TMEM178B: variants seen among roughly 807,000 people sequenced by gnomAD.
TMEM178B encodes transmembrane protein 178B.
In TMEM178B, 5 loss-of-function variants were observed where a neutral mutation model predicts 31.0. That is an observed-to-expected ratio of 0.16 (90% CI 0.08 to 0.34). TMEM178B has a LOEUF of 0.34. TMEM178B is among the 10% of genes least tolerant of loss of function. The probability of loss-of-function intolerance (pLI) is 1.00; values close to 1 mark genes in which losing one functional copy is unlikely to be tolerated. For synonymous variants in TMEM178B, 164 were observed against 164.0 expected, an observed-to-expected ratio of 1.00 and a Z score of 0.00; for missense variants, 275 against 400.3, an observed-to-expected ratio of 0.69 and a Z score of 2.67.
chr7:141,290,383 A>G (rs1242152057), intron 2 of TMEM178B, among the ~76,000 whole-genome samples: 1 of 152,128 alleles, frequency 6.6e-6, no homozygotes, highest in Non-Finnish European at 1.5e-5. Context: ...GACATTTACT[A>G]CCTTCTGTCT....
intron 2 of TMEM178B, among the ~76,000 whole-genome samples, chr7:141,221,614 T>C (rs1361820543): frequency 6.6e-6 from 1 of 152,206 alleles, no homozygotes; most frequent in Admixed American, 6.5e-5. Context: ...AGCCCACTTA[T>C]AAGAACCAGG....
chr7:141,290,383 A>T (rs1242152057), intron 2 of TMEM178B, among the ~76,000 whole-genome samples: 1 of 152,128 alleles, frequency 6.6e-6, no homozygotes, highest in Non-Finnish European at 1.5e-5. Flanking sequence ...GACATTTACT[A>T]CCTTCTGTCT....
chr7:141,248,922 G>T (rs1312281936), intron 2 of TMEM178B, among the ~76,000 whole-genome samples: 1 of 152,228 alleles, frequency 6.6e-6, no homozygotes, highest in African/African-American at 2.4e-5. Flanking sequence ...CTTTGTTGAT[G>T]GATACACTTT....
intron 2 of TMEM178B, among the ~76,000 whole-genome samples, chr7:141,427,185 C>T (rs1039079125): frequency 7.9e-5 from 12 of 152,174 alleles, no homozygotes; most frequent in African/African-American, 2.9e-4. Context: ...ATACCAAAGA[C>T]ATTCTTCACA....
intron 3 of TMEM178B, among the ~76,000 whole-genome samples, chr7:141,462,492 G>A (rs1358621690): frequency 6.6e-6 from 1 of 151,980 alleles, no homozygotes; most frequent in Non-Finnish European, 1.5e-5. Context: ...GGAGAGCTGG[G>A]AACTGCAGGG....
chr7:141,407,595 T>C (rs1800907200), intron 2 of TMEM178B, among the ~76,000 whole-genome samples: 1 of 152,218 alleles, frequency 6.6e-6, no homozygotes, highest in Admixed American at 6.5e-5. Context: ...ATAGCTTACA[T>C]ATATTCAAAC....
chr7:141,328,817 G>C (rs1799243792), intron 2 of TMEM178B, among the ~76,000 whole-genome samples: 1 of 152,152 alleles, frequency 6.6e-6, no homozygotes, highest in South Asian at 2.1e-4. Flanking sequence ...GACTTGCAAA[G>C]GGCTTTGAAA....
At chr7:141,212,766 G>T in intron 2 of TMEM178B, 62 bp downstream of exon 2, 2 of 1,339,390 alleles carry the variant, frequency 1.5e-6, no homozygotes, top group Admixed American at 2.0e-5. Context: ...GGAGGGATTG[G>T]AGGATTGGAT....
intron 1 of TMEM178B, among the ~76,000 whole-genome samples, chr7:141,104,229 T>C (rs1167253001): frequency 6.6e-6 from 1 of 152,170 alleles, no homozygotes. Flanking sequence ...ACTGACGGCA[T>C]GTGGGCTGTC....
chr7:141,321,730 T>TCAAACC (rs1799101846), intron 2 of TMEM178B, among the ~76,000 whole-genome samples: 2 of 152,128 alleles, frequency 1.3e-5, no homozygotes, highest in Non-Finnish European at 2.9e-5. Context: ...GTTCTCAATC[T>TCAAACC]TGGCAGCCCA....
intron 1 of TMEM178B, among the ~76,000 whole-genome samples, chr7:141,200,478 A>T (rs1405287229): frequency 1.3e-5 from 2 of 152,128 alleles, no homozygotes; most frequent in Non-Finnish European, 2.9e-5. Flanking sequence ...GCCTGGAGGC[A>T]GGTGACCGGT....
chr7:141,366,659 A>C (rs762608598), intron 2 of TMEM178B, among the ~76,000 whole-genome samples: 2 of 152,046 alleles, frequency 1.3e-5, no homozygotes, highest in Non-Finnish European at 2.9e-5. Context: ...TTAGTTTTCT[A>C]TAACTTTTCT....
chr7:141,186,432 G>A (rs913125662), intron 1 of TMEM178B, among the ~76,000 whole-genome samples: 7 of 152,076 alleles, frequency 4.6e-5, no homozygotes, highest in African/African-American at 1.7e-4. Context: ...TTCCTCTCGG[G>A]GCCTCTGCTC....
At chr7:141,444,057 G>A (rs1801709312) in intron 3 of TMEM178B, among the ~76,000 whole-genome samples, 1 of 152,092 alleles carries the variant, frequency 6.6e-6, no homozygotes, top group African/African-American at 2.4e-5. Context: ...GTTTTTGGCA[G>A]GCTTATCTTA....
At position 141,326,405 on chromosome 7, in the gene TMEM178B, A is replaced by T. The variant is rs116284851; in HGVS notation, c.497-111203A>T. 4.5e-3 allele frequency among the ~76,000 whole-genome samples: 684 copies of T among 152,318 alleles called. 7 individuals are homozygous for T. The highest frequency in any genetic ancestry group is 0.016 in the African/African-American group (656 of 41,564). ...GAAATGAATTTGTATCTTATTACTC[A>T]TGATAATACAGAGGTATTCTGATAA... On this transcript the variant is annotated intron_variant, in intron 2 of 3. Transcript: ENST00000565468.
In TMEM178B at chr7:141,432,162, T is replaced by TTTTTTC. The variant is rs1586956206; in HGVS notation, c.497-5441_497-5440insCTTTTT. Among the ~76,000 whole-genome samples, 9 of 128,184 alleles carry TTTTTTC rather than the reference T, an allele frequency of 7.0e-5. 1 individual carries two copies. In the South Asian group the frequency reaches 1.9e-3, roughly 27 times the overall value. 84.1% of individuals were successfully genotyped at this position (128,184 alleles called of 152,430 possible). ...TCACTGCATCTTTTTTTTTTTTTTT[T>TTTTTTC]TTTTTTTTTTTTGAGACGGAGTCTC... On this transcript the variant is annotated intron_variant, in intron 2 of 3. Coordinates refer to ENST00000565468, the MANE Select transcript of TMEM178B (RefSeq NM_001195278.2).
chr7:141,256,031 CATCT>C (rs138308350), intron 2 of TMEM178B, among the ~76,000 whole-genome samples: 7,859 of 152,090 alleles, frequency 0.052, 264 homozygotes, highest in East Asian at 0.14. Context: ...TCCATCCTTC[CATCT>C]GTCTGTCCAT....
chr7:141,161,612 TC>T (rs2129181661), intron 1 of TMEM178B, among the ~76,000 whole-genome samples: 1 of 152,012 alleles, frequency 6.6e-6, no homozygotes, highest in East Asian at 1.9e-4. Context: ...GCAGCAGTGG[TC>T]CCCCAGATCC....
chr7:141,352,292 C>A (rs549203799), intron 2 of TMEM178B: 1 of 152,278 alleles, frequency 6.6e-6, no homozygotes, highest in South Asian at 2.1e-4. Flanking sequence ...GAGGGAGCTA[C>A]AGACAGACTG....
Sources: allele counts gnomAD v4.1 joint callset (sites outside exome capture counted in the v4.1 genomes callset), GRCh38; gene constraint gnomAD v4.1.1; transcripts MANE v1.5; gene names NCBI Gene and HGNC (gene_info 2026-07-23, HGNC 2026-07-21).